The following SEC16A variants were observed in gnomAD, a reference collection of about 807,000 sequenced individuals.
SEC16A encodes SEC16 homolog A, endoplasmic reticulum export factor, also known as protein transport protein Sec16A.
A neutral mutation model predicts 221.9 loss-of-function variants in SEC16A; 110 were observed. The ratio of observed to expected loss-of-function variants is 0.50; its 90% CI spans 0.42 to 0.58. The LOEUF is 0.58. Ranked by LOEUF, SEC16A falls within the 20% of genes least tolerant of loss-of-function variation. The pLI is 0.00. For missense variants in SEC16A, 3,165 were observed against 3,097.8 expected (o/e 1.02, Z -0.52); for synonymous variants, 1,393 against 1,257.7 (o/e 1.11, Z -2.28).
rs202042941 is a variant in SEC16A, at chr9:136,453,501, G to T, written c.6086C>A (p.Pro2029Gln). 6.2e-7 allele frequency: 1 copy of T among 1,612,496 alleles called. No individual in the cohort carries two copies. Among genetic ancestry groups the T allele is most frequent in the African/African-American group, 1.3e-5 (1 of 75,012 alleles). ...TGAGTTTCCAACAGGCGCCTCCTGC[G>T]GCACTATCCCTGTCAACGGGAAAGA... Reference protein sequence around the residue: ...EARSPDPGIVPQEAPVGNSLS... With the variant: ...EARSPDPGIVQQEAPVGNSLS... Residue 2029 changes from proline to glutamine, a missense_variant, in exon 22 of 32, where the codon CCG becomes CAG. By Grantham distance (76) the Pro-to-Gln change is moderately conservative. Transcript: ENST00000684901.
rs775843580 is a variant in SEC16A at position 136,476,954 on chromosome 9, C to G, written c.662G>C (p.Gly221Ala). The change falls in exon 3 of 32, where the codon GGC becomes GCC. Residue 221 changes from glycine to alanine, a missense_variant. Transcript: ENST00000684901. Reference protein sequence around the residue: ...MPGQWGPVQGGPQPSGQHRSP... With the variant: ...MPGQWGPVQGAPQPSGQHRSP... ...ACGATGTTGCCCCGAGGGCTGTGGG[C>G]CTCCCTGCACTGGCCCCCACTGTCC... 2 of 1,612,810 alleles carry G rather than the reference C, an allele frequency of 1.2e-6. No homozygotes were observed. The highest frequency in any genetic ancestry group is 1.7e-5 in the Admixed American group (1 of 59,984).
In SEC16A at chr9:136,459,976, G is replaced by A. The variant is rs368596652; in HGVS notation, c.5073+66C>T. The A allele has an allele frequency of 2.9e-5, 45 of 1,539,612 alleles. No homozygotes were observed. Among genetic ancestry groups the A allele is most frequent in the South Asian group, 7.0e-5 (6 of 85,742 alleles). On this transcript the variant is annotated intron_variant, in intron 14 of 31. Coordinates refer to ENST00000684901, the MANE Select transcript of SEC16A (RefSeq NM_014866.2). This position sits in a 1 kb window ranked among gnomAD's most constrained non-coding sequence, Gnocchi z 6.1. ...CAGGCACCTCACGGCCTGTGACAGC[G>A]TCACCCACGAGCAAACTCCACACAG...
In SEC16A at chr9:136,457,528, G is replaced by A. The variant is rs1298472034; in HGVS notation, c.5466C>T (p.Ala1822=). 1.9e-6 allele frequency: 3 copies of A among 1,610,708 alleles called. No individual in the cohort carries two copies. The highest frequency in any genetic ancestry group is 2.5e-6 in the Non-Finnish European group (3 of 1,178,362). Reference sequence around the variant, plus strand: ...TCGCGATGGCCTCACAGTAGTGGAAGGCTTGCGTGGCCAGCCCCATTTCCG... The same window carrying A: ...TCGCGATGGCCTCACAGTAGTGGAAAGCTTGCGTGGCCAGCCCCATTTCCG... ...RLAEMGLATQ[A]FHYCEAIAKS... Residue 1822 remains alanine (A), a synonymous_variant, in exon 18 of 32, where the codon GCC becomes GCT. Transcript: ENST00000684901.
At chr9:136,452,115 G>C (rs923742466) in intron 22 of SEC16A, among the ~76,000 whole-genome samples, 1 of 152,146 alleles carries the variant, frequency 6.6e-6, no homozygotes, top group Non-Finnish European at 1.5e-5. Flanking sequence ...ACATCCTCTT[G>C]TGAGATCAAA....
intron 22 of SEC16A, among the ~76,000 whole-genome samples, chr9:136,451,713 G>A (rs1043497945): frequency 3.9e-5 from 6 of 152,186 alleles, no homozygotes; most frequent in East Asian, 1.9e-4. Flanking sequence ...TGGAAGAAAC[G>A]GAGTGTGAGC....
chr9:136,459,408 G>A lies in SEC16A; in HGVS notation c.5303+36C>T, dbSNP rs1839165148. On this transcript the variant is annotated intron_variant, in intron 16 of 31. Coordinates refer to ENST00000684901, the MANE Select transcript of SEC16A (RefSeq NM_014866.2). This position sits in a 1 kb window ranked among gnomAD's most constrained non-coding sequence, Gnocchi z 6.1. ...GAAGGATTTTGTTTTACTTTGAAAG[G>A]AAAACTTACAGGACTACACTGACTT... The A allele has an allele frequency of 1.3e-6, 2 of 1,509,082 alleles. No homozygotes were observed. Among genetic ancestry groups the A allele is most frequent in the Non-Finnish European group, 1.8e-6 (2 of 1,106,020 alleles). The allele number at this position is 1,509,082 out of a possible 1,614,324, so 93.5% of individuals were successfully genotyped here.
intron 4 of SEC16A, among the ~76,000 whole-genome samples, chr9:136,470,796 G>A (rs1256120583): frequency 1.3e-5 from 2 of 152,222 alleles, no homozygotes; most frequent in African/African-American, 4.8e-5. Flanking sequence ...AACAAGTGCA[G>A]GTACAAAGTC....
chr9:136,460,042 C>G lies in SEC16A; in HGVS notation c.5073G>C (p.Thr1691=). Residue 1691 remains threonine (T), a splice_region_variant and synonymous_variant, in exon 14 of 32, where the codon ACG becomes ACC. Transcript: ENST00000684901. ...LMSGRMPAAS[T]CCGDEKWGDW... is the part of the protein sequence containing the mutation. ...CAAGCCACCAGGCAGTGCCACTCAC[C>G]GTGGACGCGGCAGGCATCCGTCCGG... 6.2e-7 allele frequency: 1 copy of G among 1,600,648 alleles called. No individual in the cohort carries two copies. The highest frequency in any genetic ancestry group is 8.5e-7 in the Non-Finnish European group (1 of 1,173,388).
intron 19 of SEC16A, 54 bp from the exon 20 acceptor site, chr9:136,455,847 G>A (rs892930101): frequency 7.2e-5 from 108 of 1,492,410 alleles, no homozygotes; most frequent in Non-Finnish European, 8.9e-5. Context: ...GCTCTGCAGC[G>A]CTGCCCGCCT....
At chr9:136,446,762 A>G in intron 28 of SEC16A, 93 bp downstream of exon 28, 1 of 1,279,856 alleles carries the variant, frequency 7.8e-7, no homozygotes, top group Non-Finnish European at 1.1e-6. Context: ...TACACATTGG[A>G]TACTGACTTG....
At chr9:136,481,260 A>G (rs983850534) in intron 1 of SEC16A, among the ~76,000 whole-genome samples, 1 of 144,400 alleles carries the variant, frequency 6.9e-6, no homozygotes. Context: ...CTCAGCCTCC[A>G]GCGTAGCTGG....
In SEC16A at chr9:136,459,593, C is replaced by A; in HGVS notation, c.5192-38G>T. 1 of 1,494,512 alleles carries A rather than the reference C, an allele frequency of 6.7e-7. No individual in the cohort carries two copies. Among genetic ancestry groups the A allele is most frequent in the Non-Finnish European group, 9.1e-7 (1 of 1,096,366 alleles). The allele number at this position is 1,494,512 out of a possible 1,614,324, so 92.6% of individuals were successfully genotyped here. A position where few individuals can be genotyped will look rare whatever the true frequency, so the allele number is the denominator to read the frequency against. ...GACACGACACACGGCGGGGGCTCAG[C>A]GACCGGGAGCGCTTGCAGAAGTCAA... On this transcript the variant is annotated intron_variant, in intron 15 of 31. Transcript: ENST00000684901. This position sits in a 1 kb window ranked among gnomAD's most constrained non-coding sequence, Gnocchi z 6.1.
chr9:136,451,301 CTT>C lies in SEC16A; in HGVS notation c.6265_6266del (p.Lys2089GlufsTer14), dbSNP rs766746021. Reference sequence around the variant, plus strand: ...CTTTCTTGGCTGCCTGTCCGGGTCTCTTTGTTTCGGGAGCGGGTGAGAGAGAC... The same window carrying C: ...CTTTCTTGGCTGCCTGTCCGGGTCTCTGTTTCGGGAGCGGGTGAGAGAGAC... Reference protein sequence around the residue: ...PLSLSPAPETKRPGQAAKKET... With the variant: ...PLSLSPAPETXRPGQAAKKET... On this transcript the variant is annotated frameshift_variant, in exon 23 of 32. Transcript: ENST00000684901. LOFTEE classifies it high-confidence loss of function. 1 of 1,613,468 alleles carries C rather than the reference CTT, an allele frequency of 6.2e-7. No homozygotes were observed. Among genetic ancestry groups the C allele is most frequent in the South Asian group, 1.1e-5 (1 of 90,944 alleles).
At chr9:136,467,392 A>C (rs1180385139) in intron 5 of SEC16A, among the ~76,000 whole-genome samples, 1 of 152,216 alleles carries the variant, frequency 6.6e-6, no homozygotes, top group African/African-American at 2.4e-5. Context: ...TTAAACAGAG[A>C]TGGGGTCTTA....
At chr9:136,457,871 A>T (rs1838907998) in intron 17 of SEC16A, among the ~76,000 whole-genome samples, 1 of 152,168 alleles carries the variant, frequency 6.6e-6, no homozygotes, top group African/African-American at 2.4e-5. Flanking sequence ...CTCGGCTCTC[A>T]CAGTCACAAC....
chr9:136,477,313 A>C lies in SEC16A; in HGVS notation c.303T>G (p.Asp101Glu). The C allele has an allele frequency of 1.9e-6, 3 of 1,613,792 alleles. No individual in the cohort carries two copies. The African/African-American group carries it at 4.0e-5, about 22-fold the overall frequency. Residue 101 changes from aspartate to glutamate, a missense_variant, in exon 3 of 32, where the codon GAT (aspartate) becomes GAG (glutamate). By Grantham distance (45) the Asp-to-Glu change is conservative (BLOSUM62 2). Coordinates refer to ENST00000684901, the MANE Select transcript of SEC16A (RefSeq NM_014866.2). ...GGGGCTCACAGGGTCCCTGAGAGCT[A>C]TCTCTGGCATGTGTGTGAGGAACAA... is the stretch of plus-strand genomic sequence containing the variant. ...GLLVPHTHAR[D>E]SSQGPCEPLP... is the part of the protein sequence containing the mutation.
chr9:136,449,715 T>G (rs1209810459), intron 23 of SEC16A, among the ~76,000 whole-genome samples: 1 of 152,166 alleles, frequency 6.6e-6, no homozygotes, highest in Non-Finnish European at 1.5e-5. Flanking sequence ...TCTCTGTGAG[T>G]TCTACTGGCC....
Position 136,459,184 on chromosome 9 carries a change from C to CA in SEC16A, c.5358dup (p.Glu1787Ter). 1 of 1,613,916 alleles carries CA rather than the reference C, an allele frequency of 6.2e-7. No homozygotes were observed. Among genetic ancestry groups the CA allele is most frequent in the Non-Finnish European group, 8.5e-7 (1 of 1,179,798 alleles). On this transcript the variant is annotated frameshift_variant, in exon 17 of 32. Transcript: ENST00000684901. LOFTEE classifies it high-confidence loss of function. The surrounding 1 kb of genome is among the most constrained non-coding windows in gnomAD (Gnocchi z 6.1). ...TCGGCACCCAGGGACTGGGCGTACT[C>CA]ATAGGCTTCCGTCCTCTGGATTGCT...
chr9:136,441,898 G>A (rs1355224863), intron 31 of SEC16A, 75 bp from the exon 32 acceptor site: 20 of 1,329,070 alleles, frequency 1.5e-5, no homozygotes, highest in Non-Finnish European at 2.1e-5. Context: ...AGCGTGGCAG[G>A]GGCTGGTCCA....
Sources: allele counts gnomAD v4.1 joint callset (sites outside exome capture counted in the v4.1 genomes callset), GRCh38; gene constraint gnomAD v4.1.1; non-coding constraint Gnocchi (gnomAD v3.1); transcripts MANE v1.5; gene names NCBI Gene and HGNC (gene_info 2026-07-23, HGNC 2026-07-21).